The following DYSF variants were observed in gnomAD, a reference collection of about 807,000 sequenced individuals.
The protein encoded by DYSF is dystrophy-associated fer-1-like 1.
DYSF carries 212 observed loss-of-function variants against 274.9 expected under a neutral mutation model. The ratio of observed to expected loss-of-function variants is 0.77; its 90% CI spans 0.69 to 0.86. The LOEUF (loss-of-function observed/expected upper bound fraction) is 0.86. Ranked by LOEUF, DYSF falls within the 40% of genes least tolerant of loss-of-function variation. DYSF has a pLI of 0.00. For missense variants in DYSF, 2,666 were observed against 2,783.2 expected (o/e 0.96, Z 0.95); for synonymous variants, 1,091 against 1,078.7 (o/e 1.01, Z -0.22).
At chr2:71,639,279 C>T (rs1426046092) in intron 41 of DYSF, among the ~76,000 whole-genome samples, 2 of 152,122 alleles carry the variant, frequency 1.3e-5, no homozygotes, top group African/African-American at 2.4e-5. Flanking sequence ...TGTGAGTTGT[C>T]TTTTCACTTT....
intron 3 of DYSF, among the ~76,000 whole-genome samples, chr2:71,485,322 G>A (rs998693959): frequency 6.6e-5 from 10 of 152,152 alleles, no homozygotes; most frequent in Admixed American, 2.0e-4. Context: ...TTGGGAGGCC[G>A]AGGGCAGCAG....
chr2:71,617,577 GGT>G (rs1194799546), intron 40 of DYSF, among the ~76,000 whole-genome samples: 31 of 149,580 alleles, frequency 2.1e-4, no homozygotes, highest in African/African-American at 7.4e-4. Context: ...TGGTAGAGGT[GGT>G]GTGTGTGTGT....
chr2:71,678,909 G>A (rs1274521898), intron 52 of DYSF, 148 bp from the exon 53 acceptor site: 2 of 718,374 alleles, frequency 2.8e-6, no homozygotes, highest in African/African-American at 1.7e-5. Flanking sequence ...GAGGTGGAGA[G>A]TTCGTGAGAT....
At chr2:71,661,032 C>T (rs898875782) in intron 45 of DYSF, among the ~76,000 whole-genome samples, 1 of 150,716 alleles carries the variant, frequency 6.6e-6, no homozygotes, top group Non-Finnish European at 1.5e-5. Flanking sequence ...TGGGAGGATC[C>T]CTTGAGCCTA....
chr2:71,535,156 CT>C, intron 15 of DYSF, 67 bp downstream of exon 15: 1 of 1,603,852 alleles, frequency 6.2e-7, no homozygotes, highest in Non-Finnish European at 8.5e-7. Flanking sequence ...AGGTCCAGGG[CT>C]CCTGCCTCCC....
At chr2:71,683,024 G>C (rs577520165) in intron 55 of DYSF, among the ~76,000 whole-genome samples, 8 of 152,330 alleles carry the variant, frequency 5.3e-5, no homozygotes, top group Admixed American at 5.2e-4. Flanking sequence ...TGGAAGGGAG[G>C]TGTGGAACTG....
At chr2:71,619,333 C>T (rs1438767956) in intron 40 of DYSF, among the ~76,000 whole-genome samples, 3 of 152,054 alleles carry the variant, frequency 2.0e-5, no homozygotes, top group Non-Finnish European at 4.4e-5. Context: ...TGGCTAGGTG[C>T]CCAAGGCTGA....
chr2:71,590,432 G>A lies in DYSF; in HGVS notation c.3574+144G>A, dbSNP rs148113010. The A allele has an allele frequency of 5.1e-4, 431 of 852,936 alleles. 1 individual carries two copies. The African/African-American group carries it at 6.0e-3, about 12-fold the overall frequency. The allele number at this position is 852,936 out of a possible 1,614,324, so 52.8% of individuals were successfully genotyped here. A position where few individuals can be genotyped will look rare whatever the true frequency, so the allele number is the denominator to read the frequency against. On this transcript the variant is annotated intron_variant, in intron 32 of 55. Coordinates refer to ENST00000410020, the MANE Select transcript of DYSF (RefSeq NM_001130987.2). The stretch of plus-strand genomic sequence containing the variant: ...ACCAGGGTCCTGTGGCTTCTTGGTC[G>A]TCAGGTGCAGCAAACTCTTGTCCAT...
intron 54 of DYSF, 150 bp from the exon 55 acceptor site, chr2:71,682,380 T>A: frequency 1.1e-6 from 1 of 929,378 alleles, no homozygotes. Flanking sequence ...GAATGCAAGG[T>A]GCAAAGGGCT....
intron 3 of DYSF, among the ~76,000 whole-genome samples, chr2:71,489,384 C>T (rs997578810): frequency 2.6e-5 from 4 of 152,232 alleles, no homozygotes; most frequent in African/African-American, 9.6e-5. Flanking sequence ...CTTTATAGCT[C>T]AGACTCTGCT....
chr2:71,483,910 G>A lies in DYSF; in HGVS notation c.239+1940G>A, dbSNP rs531466560. 1.2e-3 allele frequency among the ~76,000 whole-genome samples: 177 copies of A among 152,160 alleles called. 1 individual carries two copies. The highest frequency in any genetic ancestry group is 2.3e-3 in the Non-Finnish European group (153 of 67,998). On this transcript the variant is annotated intron_variant, in intron 3 of 55. Transcript: ENST00000410020. ...TCTTCTGGAGAGTTCAGTTCCCTCTGACAATGCCGGCGTTGACAGAGTTTA... is the reference window on the plus strand; with the variant it reads ...TCTTCTGGAGAGTTCAGTTCCCTCTAACAATGCCGGCGTTGACAGAGTTTA...
intron 39 of DYSF, 105 bp from the exon 40 acceptor site, chr2:71,613,229 G>C: frequency 1.1e-6 from 1 of 950,800 alleles, no homozygotes; most frequent in East Asian, 2.6e-5. Context: ...AATGTGGAGA[G>C]ACTGCAGGGT....
chr2:71,600,380 C>A (rs1383893761), intron 33 of DYSF, among the ~76,000 whole-genome samples: 3 of 152,234 alleles, frequency 2.0e-5, no homozygotes, highest in Non-Finnish European at 4.4e-5. Context: ...TGCCAGGAGG[C>A]CGTCTCTCTG....
intron 13 of DYSF, among the ~76,000 whole-genome samples, chr2:71,527,768 CATAT>C (rs910907066): frequency 3.3e-5 from 5 of 152,142 alleles, no homozygotes; most frequent in African/African-American, 1.2e-4. Flanking sequence ...TACACATAAA[CATAT>C]CTATCTATCT....
At chr2:71,529,316 T>A (rs2088372065) in intron 14 of DYSF, among the ~76,000 whole-genome samples, 1 of 152,192 alleles carries the variant, frequency 6.6e-6, no homozygotes, top group Non-Finnish European at 1.5e-5. Flanking sequence ...GCTAGCTCTT[T>A]CCAGGAGCAT....
At chr2:71,650,887 G>A (rs847623) in intron 42 of DYSF, among the ~76,000 whole-genome samples, 128,940 of 152,148 alleles carry the variant, frequency 0.85, 54,800 homozygotes, top group Middle Eastern at 0.9. Flanking sequence ...CGTTCAGAGG[G>A]AATTTGTGGC....
chr2:71,511,731 G>A (rs2152728416), intron 4 of DYSF, 76 bp from the exon 5 acceptor site: 1 of 952,106 alleles, frequency 1.1e-6, no homozygotes, highest in South Asian at 1.4e-5. Flanking sequence ...AGGGATGCCA[G>A]AAACAGGGAA....
At chr2:71,581,259 G>A (rs1356510741) in intron 30 of DYSF, among the ~76,000 whole-genome samples, 1 of 152,216 alleles carries the variant, frequency 6.6e-6, no homozygotes, top group Non-Finnish European at 1.5e-5. Context: ...GATTCTCCAG[G>A]TTTCCTGATT....
chr2:71,645,988 T>C (rs2094562204), intron 42 of DYSF, among the ~76,000 whole-genome samples: 1 of 152,120 alleles, frequency 6.6e-6, no homozygotes, highest in East Asian at 1.9e-4. Context: ...GGTGATTCTT[T>C]TGGCGCAGAG....
Sources: allele counts gnomAD v4.1 joint callset (sites outside exome capture counted in the v4.1 genomes callset), GRCh38; gene constraint gnomAD v4.1.1; transcripts MANE v1.5; gene names NCBI Gene and HGNC (gene_info 2026-07-23, HGNC 2026-07-21).